Variants in ADGRL2 observed in about 807,000 individuals in gnomAD.
The protein encoded by ADGRL2 is adhesion G protein-coupled receptor L2.
ADGRL2 carries 44 observed loss-of-function variants against 157.4 expected under a neutral mutation model. The ratio of observed to expected loss-of-function variants is 0.28; its 90% CI spans 0.22 to 0.36. The LOEUF (loss-of-function observed/expected upper bound fraction) is 0.36. Ranked by LOEUF, ADGRL2 falls within the 10% of genes least tolerant of loss-of-function variation. The pLI is 1.00. For synonymous variants in ADGRL2, 585 were observed against 624.7 expected (o/e 0.94, Z 0.95); for missense variants, 1,510 against 1,768.9 (o/e 0.85, Z 2.63).
Position 81,318,642 on chromosome 1 carries a change from C to T in ADGRL2, c.-302+12133C>T, listed in dbSNP as rs75193207. Among the ~76,000 whole-genome samples the T allele has an allele frequency of 2.3e-3, 354 of 152,192 alleles. 6 individuals carry two copies. The South Asian group carries it at 0.035, about 15-fold the overall frequency. ...GATAGTAATAATAGCAGTTATGGGA[C>T]GGCATGAATCCAGGGTTTCTTTAGT... On this transcript the variant is annotated intron_variant, in intron 1 of 24. Transcript: ENST00000370721.
At chr1:81,561,114 C>T (rs1169416170) in intron 2 of ADGRL2, among the ~76,000 whole-genome samples, 2 of 152,082 alleles carry the variant, frequency 1.3e-5, no homozygotes, top group African/African-American at 2.4e-5. Flanking sequence ...TACCCTTCCT[C>T]CACAGCACAC....
chr1:81,895,698 A>C (rs2151514325), intron 2 of ADGRL2, among the ~76,000 whole-genome samples: 1 of 152,224 alleles, frequency 6.6e-6, no homozygotes, highest in South Asian at 2.1e-4. Flanking sequence ...CCAGACCTGA[A>C]AGTACCTTTT....
At chr1:81,457,316 T>C (rs978073750) in intron 2 of ADGRL2, among the ~76,000 whole-genome samples, 36 of 152,272 alleles carry the variant, frequency 2.4e-4, no homozygotes, top group African/African-American at 6.3e-4. Context: ...AACTTCAATA[T>C]ACTACAAAAA....
rs186654743 is a variant in ADGRL2 at position 81,641,582 on chromosome 1, A to G, written c.-143+60602A>G. 2.0e-4 allele frequency among the ~76,000 whole-genome samples: 30 copies of G among 152,362 alleles called. No homozygotes were observed. In the East Asian group the frequency reaches 5.2e-3, roughly 26 times the overall value. ...GAACAAGCACATTTCTACATAGCAC[A>G]TGGGTCAAAGAAGACATGTCAAGAG... is the stretch of plus-strand genomic sequence containing the variant. On this transcript the variant is annotated intron_variant, in intron 3 of 24. Coordinates refer to the ADGRL2 transcript ENST00000370721.
intron 1 of ADGRL2, among the ~76,000 whole-genome samples, chr1:81,365,908 T>G (rs543213404): frequency 6.6e-6 from 1 of 152,316 alleles, no homozygotes; most frequent in East Asian, 1.9e-4. Flanking sequence ...CTGAAAGTGT[T>G]GTTTTAAAGG....
intron 1 of ADGRL2, among the ~76,000 whole-genome samples, chr1:81,434,048 T>G (rs1207043372): frequency 6.6e-6 from 1 of 152,200 alleles, no homozygotes; most frequent in African/African-American, 2.4e-5. Context: ...TGCCAGTTCA[T>G]TTAAAGGCTA....
intron 2 of ADGRL2, among the ~76,000 whole-genome samples, chr1:81,868,190 T>C (rs954358104): frequency 6.6e-6 from 1 of 152,084 alleles, no homozygotes; most frequent in Non-Finnish European, 1.5e-5. Context: ...GTGCTAATAC[T>C]GTTGAAACAA....
At chr1:81,507,094 T>G (rs2078990429) in intron 2 of ADGRL2, among the ~76,000 whole-genome samples, 1 of 152,154 alleles carries the variant, frequency 6.6e-6, no homozygotes, top group Non-Finnish European at 1.5e-5. Context: ...AGGAATTTTT[T>G]TTTTTAATAG....
intron 2 of ADGRL2, among the ~76,000 whole-genome samples, chr1:81,450,133 G>A (rs1423907713): frequency 6.6e-6 from 1 of 152,142 alleles, no homozygotes; most frequent in Non-Finnish European, 1.5e-5. Flanking sequence ...GAGAGAGGGT[G>A]GAGAGTATAG....
At chr1:81,559,124 T>TGG in intron 2 of ADGRL2, among the ~76,000 whole-genome samples, 1 of 152,306 alleles carries the variant, frequency 6.6e-6, no homozygotes, top group Non-Finnish European at 1.5e-5. Context: ...TCTAGCATGG[T>TGG]GGGCTTTGGA....
intron 1 of ADGRL2, among the ~76,000 whole-genome samples, chr1:81,405,425 T>C (rs1251606539): frequency 6.6e-6 from 1 of 152,070 alleles, no homozygotes; most frequent in African/African-American, 2.4e-5. Context: ...CCCAATACTT[T>C]GGGAGACAAA....
At chr1:81,691,878 G>GTATATATATATATA (rs755115574) in intron 3 of ADGRL2, among the ~76,000 whole-genome samples, 1,631 of 122,316 alleles carry the variant, frequency 0.013, 57 homozygotes, top group African/African-American at 0.034. Context: ...GTGTGTGTGT[G>GTATATATATATATA]TGTATATATA....
At chr1:81,323,030 G>A (rs1401938974) in intron 1 of ADGRL2, among the ~76,000 whole-genome samples, 1 of 151,802 alleles carries the variant, frequency 6.6e-6, no homozygotes, top group Admixed American at 6.6e-5. Context: ...GCTAATTTTT[G>A]TATTTTTAGT....
chr1:81,989,643 C>A lies in ADGRL2; in HGVS notation c.3656-748C>A, dbSNP rs1553217805. 1.6e-5 allele frequency: 25 copies of A among 1,607,606 alleles called. 1 individual carries two copies. In the South Asian group the frequency reaches 2.5e-4, roughly 16 times the overall value. On this transcript the variant is annotated intron_variant, in intron 23 of 23. Transcript: ENST00000686636. ...ATGTTACAATAAATCATTTTACTTT[C>A]TTTTATATATCAGCTACTCTTAGGC...
intron 3 of ADGRL2, among the ~76,000 whole-genome samples, chr1:81,651,784 G>A (rs907989812): frequency 2.0e-5 from 3 of 152,088 alleles, no homozygotes; most frequent in East Asian, 1.9e-4. Flanking sequence ...TCAGGCCTAC[G>A]TGCAAGTGGT....
chr1:81,785,040 A>C (rs538545447), intron 2 of ADGRL2, among the ~76,000 whole-genome samples: 1 of 152,138 alleles, frequency 6.6e-6, no homozygotes, highest in Non-Finnish European at 1.5e-5. Context: ...TGGGGGAAAA[A>C]AAAGAGAAAA....
At chr1:81,474,091 G>A (rs2078225943) in intron 2 of ADGRL2, among the ~76,000 whole-genome samples, 1 of 152,240 alleles carries the variant, frequency 6.6e-6, no homozygotes, top group Admixed American at 6.5e-5. Flanking sequence ...TCCCAGTGTA[G>A]GCAAGCTTGA....
upstream of ADGRL2, among the ~76,000 whole-genome samples, chr1:81,696,698 G>C (rs1016139092): frequency 3.0e-4 from 46 of 152,140 alleles, 1 homozygote; most frequent in Non-Finnish European, 1.8e-4. Context: ...CTTGCAGTGA[G>C]CCAAGATCAC....
At chr1:81,730,287 A>C (rs1397572715) in intron 1 of ADGRL2, among the ~76,000 whole-genome samples, 2 of 152,172 alleles carry the variant, frequency 1.3e-5, no homozygotes, top group African/African-American at 4.8e-5. Flanking sequence ...TTTCTCTGAA[A>C]ATTGCTCCCA....
Sources: gnomAD v4.1 joint callset for allele counts (sites outside exome capture counted in the v4.1 genomes callset) on GRCh38, gnomAD v4.1.1 for gene constraint, MANE v1.5 for transcripts, NCBI Gene and HGNC (gene_info 2026-07-23, HGNC 2026-07-21) for gene names.